The following CARS1 variants were observed in gnomAD, a reference collection of about 807,000 sequenced individuals.
The protein encoded by CARS1 is cysteine--tRNA ligase, cytoplasmic.
Under a neutral mutation model 106.2 loss-of-function variants are expected in CARS1, and 48 were observed. That is an observed-to-expected ratio of 0.45 (90% CI 0.36 to 0.57). CARS1 has a LOEUF of 0.57. CARS1 is among the 20% of genes least tolerant of loss of function. The pLI is 0.00. For synonymous variants in CARS1, 409 were observed against 403.4 expected, an observed-to-expected ratio of 1.01 and a Z score of -0.17; for missense variants, 968 against 1,057.2, an observed-to-expected ratio of 0.92 and a Z score of 1.17.
intron 7 of CARS1, among the ~76,000 whole-genome samples, chr11:3,031,752 G>A (rs994922289): frequency 1.3e-5 from 2 of 152,162 alleles, no homozygotes; most frequent in African/African-American, 2.4e-5. Flanking sequence ...AGTGTTGGGG[G>A]AGGAAAACCA....
In CARS1 at chr11:3,017,744, G is replaced by A. The variant is rs1382494298; in HGVS notation, c.1727+113C>T. ...CCTGAATTAATTCTGCACAACGTAC[G>A]ACAGTGTCCCCAGCCCTTCCTCGAC... is the stretch of plus-strand genomic sequence containing the variant. On this transcript the variant is annotated intron_variant, in intron 15 of 22. Transcript: ENST00000380525. This position sits in a 1 kb window ranked among gnomAD's most constrained non-coding sequence, Gnocchi z 4.9. The A allele has an allele frequency of 1.3e-5, 9 of 716,234 alleles. No individual in the cohort carries two copies. The East Asian group carries it at 1.8e-4, about 14-fold the overall frequency. 44.4% of individuals were successfully genotyped at this position (716,234 alleles called of 1,614,324 possible).
chr11:3,049,068 TCTC>T (rs748780917), intron 1 of CARS1, among the ~76,000 whole-genome samples: 11 of 152,204 alleles, frequency 7.2e-5, no homozygotes, highest in African/African-American at 2.4e-4. Flanking sequence ...TCACCCTCCT[TCTC>T]CTCCTCCATT....
intron 1 of CARS1, among the ~76,000 whole-genome samples, chr11:3,051,289 C>A (rs1394737981): frequency 6.6e-6 from 1 of 152,244 alleles, no homozygotes; most frequent in Non-Finnish European, 1.5e-5. Flanking sequence ...TCTGGCCCCA[C>A]TGAAGGCGCC....
chr11:3,012,820 T>C (rs774632889), intron 17 of CARS1, among the ~76,000 whole-genome samples: 11 of 151,988 alleles, frequency 7.2e-5, no homozygotes, highest in Non-Finnish European at 1.6e-4. Context: ...ACACGTAGAT[T>C]CACCACCCAC....
At chr11:3,002,340 TC>T in intron 21 of CARS1, 200 bp downstream of exon 21, 2 of 930,562 alleles carry the variant, frequency 2.1e-6, no homozygotes. Context: ...GGCACAGCCT[TC>T]CCCTTGGCCA....
At chr11:3,033,689 G>T (rs989896361) in intron 7 of CARS1, among the ~76,000 whole-genome samples, 1 of 152,132 alleles carries the variant, frequency 6.6e-6, no homozygotes, top group African/African-American at 2.4e-5. Flanking sequence ...AAGAAGAAAA[G>T]AAGGAATAAA....
In CARS1 at chr11:3,008,603, G is replaced by C. The variant is rs1360503652; in HGVS notation, c.2069-1644C>G. On this transcript the variant is annotated intron_variant, in intron 18 of 22. Transcript: ENST00000380525. The surrounding 1 kb of genome is among the most constrained non-coding windows in gnomAD (Gnocchi z 5.1). ...CACTGCACTCCAGCCTAGCGACAGG[G>C]CAAGACTCCATCTCAAAAAAAAAAA... 1 of 148,030 alleles carries C rather than the reference G, an allele frequency of 6.8e-6. No homozygotes were observed. Among genetic ancestry groups the C allele is most frequent in the South Asian group, 2.1e-4 (1 of 4,710 alleles). The allele number at this position is 148,030 out of a possible 1,614,324, so 9.2% of individuals were successfully genotyped here.
At chr11:3,006,850 T>C in intron 19 of CARS1, 29 bp downstream of exon 19, 1 of 1,589,484 alleles carries the variant, frequency 6.3e-7, no homozygotes. Flanking sequence ...TCCTGGTAAC[T>C]TTGTAGCAAA....
At position 3,016,565 on chromosome 11, in the gene CARS1, G is replaced by A. The variant is rs187222569; in HGVS notation, c.1917+541C>T. ...CTCCAAGATGGGAGTAGAGGGAAAC[G>A]GAGTCAAAGGAAAGAAATAGCTCTG... is the stretch of plus-strand genomic sequence containing the variant. On this transcript the variant is annotated intron_variant, in intron 16 of 22. Transcript: ENST00000380525. 8.5e-5 allele frequency among the ~76,000 whole-genome samples: 13 copies of A among 152,214 alleles called. No individual in the cohort carries two copies. In the East Asian group the frequency reaches 2.3e-3, roughly 27 times the overall value.
Position 3,003,144 on chromosome 11 carries a change from G to A in CARS1, c.2218-544C>T, listed in dbSNP as rs1849549737. Among the ~76,000 whole-genome samples, 1 of 152,196 alleles carries A rather than the reference G, an allele frequency of 6.6e-6. No homozygotes were observed. The highest frequency in any genetic ancestry group is 1.5e-5 in the Non-Finnish European group (1 of 68,038). ...GGGCGAGGACAGTCTGATGCTGCAG[G>A]GAGAGCTTATTAGTGGAGCCAGCAG... On this transcript the variant is annotated intron_variant, in intron 20 of 22. Coordinates refer to ENST00000380525, the MANE Select transcript of CARS1 (RefSeq NM_001014437.3). The surrounding 1 kb of genome is among the most constrained non-coding windows in gnomAD (Gnocchi z 4.8).
In CARS1 at chr11:3,034,179, TTTTTG is replaced by T. The variant is rs2134222320; in HGVS notation, c.801+3866_801+3870del. 7.7e-6 allele frequency among the ~76,000 whole-genome samples: 1 copy of T among 130,270 alleles called. No individual in the cohort carries two copies. The allele number at this position is 130,270 out of a possible 152,430, so 85.5% of individuals were successfully genotyped here. A position where few individuals can be genotyped will look rare whatever the true frequency, so the allele number is the denominator to read the frequency against. On this transcript the variant is annotated intron_variant, in intron 7 of 22. Transcript: ENST00000380525. The surrounding 1 kb of genome is among the most constrained non-coding windows in gnomAD (Gnocchi z 6.3). ...TTCGTGTCTTAGTCTGTTTTCTGTT[TTTTTG>T]TTTGTTTGTTCTTTTTTTTGTTTTC...
In CARS1 at chr11:3,045,334, G is replaced by A. The variant is rs939753313; in HGVS notation, c.274+2419C>T. Reference sequence around the variant, plus strand: ...GGCTGGAGTACAGTGGCACGATCTCGGCTCACTGCAAGCTCCGCCTCCCAG... The same window carrying A: ...GGCTGGAGTACAGTGGCACGATCTCAGCTCACTGCAAGCTCCGCCTCCCAG... On this transcript the variant is annotated intron_variant, in intron 2 of 22. Transcript: ENST00000380525. This position sits in a 1 kb window ranked among gnomAD's most constrained non-coding sequence, Gnocchi z 5.6. 2.0e-5 allele frequency among the ~76,000 whole-genome samples: 3 copies of A among 151,984 alleles called. No homozygotes were observed. Among genetic ancestry groups the A allele is most frequent in the African/African-American group, 4.8e-5 (2 of 41,386 alleles).
chr11:3,006,082 G>A (rs1227412699), intron 19 of CARS1, among the ~76,000 whole-genome samples: 1 of 152,194 alleles, frequency 6.6e-6, no homozygotes, highest in Non-Finnish European at 1.5e-5. Context: ...CAGTTACCTA[G>A]ATTTGATCAT....
chr11:3,022,700 G>A lies in CARS1; in HGVS notation c.1154-2368C>T, dbSNP rs983611258. On this transcript the variant is annotated intron_variant, in intron 10 of 22. Coordinates refer to ENST00000380525, the MANE Select transcript of CARS1 (RefSeq NM_001014437.3). This position sits in a 1 kb window ranked among gnomAD's most constrained non-coding sequence, Gnocchi z 4.9. Reference sequence around the variant, plus strand: ...CAACAGGGTCCTGTTCTCTCCCACTGGGGGAGCTTCCTCCCTGCACTAGGC... The same window carrying A: ...CAACAGGGTCCTGTTCTCTCCCACTAGGGGAGCTTCCTCCCTGCACTAGGC... Among the ~76,000 whole-genome samples, 4 of 152,170 alleles carry A rather than the reference G, an allele frequency of 2.6e-5. No homozygotes were observed. Among genetic ancestry groups the A allele is most frequent in the Non-Finnish European group, 1.5e-5 (1 of 68,038 alleles).
chr11:3,044,835 A>T lies in CARS1; in HGVS notation c.275-2579T>A, dbSNP rs114860658. ...TTGAAACAGGGATGTGGGAGGCTGA[A>T]GATAAAATGATGGAGAGGGAAGCCA... On this transcript the variant is annotated intron_variant, in intron 2 of 22. Coordinates refer to ENST00000380525, the MANE Select transcript of CARS1 (RefSeq NM_001014437.3). The surrounding 1 kb of genome is among the most constrained non-coding windows in gnomAD (Gnocchi z 4.4). Among the ~76,000 whole-genome samples, 210 of 152,272 alleles carry T rather than the reference A, an allele frequency of 1.4e-3. No homozygotes were observed. Among genetic ancestry groups the T allele is most frequent in the African/African-American group, 4.8e-3 (199 of 41,544 alleles).
chr11:3,045,748 A>C lies in CARS1; in HGVS notation c.274+2005T>G, dbSNP rs555803580. Among the ~76,000 whole-genome samples the C allele has an allele frequency of 6.6e-6, 1 of 152,336 alleles. No individual in the cohort carries two copies. The highest frequency in any genetic ancestry group is 2.1e-4 in the South Asian group (1 of 4,824). The stretch of plus-strand genomic sequence containing the variant: ...ACATGGCCCACTGTGCCAGCAAGGA[A>C]GGTGCATGCTTGGGGAGTATGAGCC... On this transcript the variant is annotated intron_variant, in intron 2 of 22. Transcript: ENST00000380525. This position sits in a 1 kb window ranked among gnomAD's most constrained non-coding sequence, Gnocchi z 5.6.
In CARS1 at chr11:3,017,513, C is replaced by T. The variant is rs1851158046; in HGVS notation, c.1728-218G>A. On this transcript the variant is annotated intron_variant, in intron 15 of 22. Transcript: ENST00000380525. This position sits in a 1 kb window ranked among gnomAD's most constrained non-coding sequence, Gnocchi z 4.9. ...CTGAAATTAGCCAGGTATGGTGGCG[C>T]ATGCCTGTAACCCCAGCTACTCGGG... 1.0e-5 allele frequency: 6 copies of T among 577,284 alleles called. No individual in the cohort carries two copies. In the East Asian group the frequency reaches 1.7e-4, roughly 16 times the overall value. The allele number at this position is 577,284 out of a possible 1,614,324, so 35.8% of individuals were successfully genotyped here.
chr11:3,026,761 C>T lies in CARS1; in HGVS notation c.1068G>A (p.Ala356=), dbSNP rs373450907. ...AGTGCTTCTCGCTAGAAGCAAACTT[C>T]GCTGTATCAAAGTAGACAGACCCAT... is the stretch of plus-strand genomic sequence containing the variant. ...VSNGSVYFDT[A]KFASSEKHSY... Residue 356 remains alanine, a synonymous_variant, in exon 10 of 23, where the codon GCG becomes GCA. Coordinates refer to ENST00000380525, the MANE Select transcript of CARS1 (RefSeq NM_001014437.3). 1.1e-5 allele frequency: 17 copies of T among 1,613,820 alleles called. No homozygotes were observed. In the African/African-American group the frequency reaches 1.5e-4, roughly 14 times the overall value.
rs962982536 is a variant in CARS1 at position 3,043,347 on chromosome 11, G to A, written c.275-1091C>T. ...AGCTAGGTGTGGAGGACGGTACCTG[G>A]TGACTTTCCCGTTGCCCTCAGCCGG... On this transcript the variant is annotated intron_variant, in intron 2 of 22. Transcript: ENST00000380525. This position sits in a 1 kb window ranked among gnomAD's most constrained non-coding sequence, Gnocchi z 4.0. 6.6e-6 allele frequency among the ~76,000 whole-genome samples: 1 copy of A among 151,964 alleles called. No individual in the cohort carries two copies. The highest frequency in any genetic ancestry group is 1.5e-5 in the Non-Finnish European group (1 of 67,958).
Sources: allele counts gnomAD v4.1 joint callset (sites outside exome capture counted in the v4.1 genomes callset), GRCh38; gene constraint gnomAD v4.1.1; non-coding constraint Gnocchi (gnomAD v3.1); transcripts MANE v1.5; gene names NCBI Gene and HGNC (gene_info 2026-07-23, HGNC 2026-07-21).